OR7C1: variants seen among roughly 807,000 people sequenced by gnomAD.
OR7C1 encodes the protein olfactory receptor 7C1.
For missense variants in OR7C1, 324 were observed against 383.3 expected (o/e 0.85, Z 1.29); for synonymous variants, 152 against 160.7 (o/e 0.95, Z 0.41).
chr19:14,808,496 T>C (rs1037240557), intron 2 of OR7C1, among the ~76,000 whole-genome samples: 1 of 151,942 alleles, frequency 6.6e-6, no homozygotes, highest in African/African-American at 2.4e-5. Context: ...GAGGCCATTA[T>C]CCTAAGTAAA....
At chr19:14,804,675 G>C (rs1034235275) in intron 2 of OR7C1, among the ~76,000 whole-genome samples, 2 of 151,804 alleles carry the variant, frequency 1.3e-5, no homozygotes, top group Non-Finnish European at 2.9e-5. Context: ...GCAGGATAAC[G>C]AGTCGCAGGG....
At chr19:14,806,872 T>G (rs887097182) in intron 2 of OR7C1, among the ~76,000 whole-genome samples, 1 of 152,008 alleles carries the variant, frequency 6.6e-6, no homozygotes, top group African/African-American at 2.4e-5. Context: ...TATAATAGGA[T>G]GAATTATATT....
chr19:14,801,851 A>G (rs985615442), intron 2 of OR7C1, among the ~76,000 whole-genome samples: 2 of 152,214 alleles, frequency 1.3e-5, no homozygotes, highest in East Asian at 1.9e-4. Flanking sequence ...ACCAGATTTC[A>G]TGAGAATCCC....
chr19:14,834,250 G>A (rs1383616238), intron 1 of OR7C1, among the ~76,000 whole-genome samples: 2 of 152,116 alleles, frequency 1.3e-5, no homozygotes, highest in African/African-American at 4.8e-5. Flanking sequence ...CATGGACAGA[G>A]GCTTGCACGA....
At chr19:14,814,397 A>G (rs1018798310) in intron 1 of OR7C1, among the ~76,000 whole-genome samples, 6 of 152,070 alleles carry the variant, frequency 3.9e-5, no homozygotes, top group Non-Finnish European at 8.8e-5. Context: ...AAAATGGCCA[A>G]CAGGAATATG....
intron 2 of OR7C1, among the ~76,000 whole-genome samples, chr19:14,808,607 T>A (rs1020304859): frequency 1.3e-5 from 2 of 150,372 alleles, no homozygotes; most frequent in Admixed American, 6.6e-5. Flanking sequence ...ATAGTAGGCA[T>A]TGGAGACTCC....
At chr19:14,816,904 A>G (rs1169360121) in intron 1 of OR7C1, among the ~76,000 whole-genome samples, 3 of 152,194 alleles carry the variant, frequency 2.0e-5, no homozygotes, top group Non-Finnish European at 4.4e-5. Context: ...TCTCTTGGGA[A>G]CAGAGAATGA....
At chr19:14,817,034 C>T (rs62122649) in intron 1 of OR7C1, among the ~76,000 whole-genome samples, 10 of 151,994 alleles carry the variant, frequency 6.6e-5, no homozygotes, top group Admixed American at 1.3e-4. Flanking sequence ...GGAGCTGTGG[C>T]CCTCAGAGAA....
chr19:14,826,210 C>T (rs2145073974), intron 1 of OR7C1: 1 of 152,226 alleles, frequency 6.6e-6, no homozygotes, highest in African/African-American at 2.4e-5. Context: ...ATTCCCCATT[C>T]CCAGAGGCAT....
At chr19:14,815,785 G>A (rs1017954700) in intron 1 of OR7C1, among the ~76,000 whole-genome samples, 5 of 17,374 alleles carry the variant, frequency 2.9e-4, no homozygotes, top group East Asian at 2.7e-3. Context: ...GAGTTTGTGC[G>A]TGTGTGTGTG....
At chr19:14,829,695 G>A (rs1052793229) in intron 1 of OR7C1, among the ~76,000 whole-genome samples, 27 of 152,220 alleles carry the variant, frequency 1.8e-4, no homozygotes, top group Admixed American at 1.7e-3. Flanking sequence ...AACTGGACTA[G>A]AAAGGTGTCA....
intron 1 of OR7C1, among the ~76,000 whole-genome samples, chr19:14,810,881 A>C (rs12977396): frequency 0.17 from 25,512 of 151,764 alleles, 2,375 homozygotes; most frequent in Non-Finnish European, 0.18. Context: ...AAACACATTC[A>C]TATTTTTAAT....
chr19:14,826,559 T>C (rs1042439678), intron 1 of OR7C1: 1 of 152,178 alleles, frequency 6.6e-6, no homozygotes, highest in Non-Finnish European at 1.5e-5. Context: ...ATGCACATCA[T>C]AAAAACAAGT....
exon 5 of OR7C1, chr19:14,799,745 T>G (rs566497172): frequency 2.5e-6 from 4 of 1,613,906 alleles, no homozygotes; most frequent in African/African-American, 1.3e-5. Context: ...GACCGTATAG[T>G]GCAGGGGGTG....
At chr19:14,820,738 C>T (rs74776643) in intron 1 of OR7C1, among the ~76,000 whole-genome samples, 10,081 of 152,138 alleles carry the variant, frequency 0.066, 398 homozygotes, top group East Asian at 0.1. Context: ...AGAGGTAAGT[C>T]ATATGAAGAA....
Position 14,800,109 on chromosome 19 carries a change from G to A in OR7C1, c.28C>T (p.Gln10Ter), listed in dbSNP as rs776874098. The stretch of plus-strand genomic sequence containing the variant: ...GAAAATCCCAGGAGGAGAAATTCTT[G>A]GGCATGTGTTTGATTTCCTGTTTCC... The change falls in exon 5 of 5, where the codon CAA (glutamine) becomes TAA (stop). Residue 10 changes from glutamine (Q) to a stop codon, truncating the protein, a stop_gained. Coordinates refer to ENST00000641666, the Ensembl canonical transcript of OR7C1. LOFTEE classifies it low-confidence loss of function (END_TRUNC). The A allele has an allele frequency of 8.8e-6, 14 of 1,588,430 alleles. No homozygotes were observed. Among genetic ancestry groups the A allele is most frequent in the Middle Eastern group, 1.7e-4 (1 of 5,936 alleles).
At chr19:14,811,791 C>T (rs997744068) in intron 1 of OR7C1, among the ~76,000 whole-genome samples, 3 of 151,908 alleles carry the variant, frequency 2.0e-5, no homozygotes, top group Admixed American at 6.6e-5. Context: ...CTGTAATTCA[C>T]CTATTAAAAG....
At position 14,802,198 on chromosome 19, in the gene OR7C1, C is replaced by T. The variant is rs116383857; in HGVS notation, c.-434-1434G>A. Among the ~76,000 whole-genome samples the T allele has an allele frequency of 2.2e-3, 329 of 152,316 alleles. 3 individuals are homozygous for T. The highest frequency in any genetic ancestry group is 7.3e-3 in the African/African-American group (304 of 41,560). On this transcript the variant is annotated intron_variant, in intron 2 of 4. Coordinates refer to ENST00000641666, the Ensembl canonical transcript of OR7C1. ...CACCAGTTCCTGGTGCTGAAGATAG[C>T]GGAAATGTATGGCAATGTTCTGTTT...
chr19:14,831,749 AT>A (rs1011094263), intron 1 of OR7C1, among the ~76,000 whole-genome samples: 6 of 139,156 alleles, frequency 4.3e-5, no homozygotes, highest in East Asian at 2.2e-4. Flanking sequence ...GGCCTATTTT[AT>A]TTTTTTTTTG....
Sources: gnomAD v4.1 joint callset for allele counts (sites outside exome capture counted in the v4.1 genomes callset) on GRCh38, gnomAD v4.1.1 for gene constraint, MANE v1.5 for transcripts, NCBI Gene and HGNC (gene_info 2026-07-23, HGNC 2026-07-21) for gene names.